The following SMG6 variants were observed in gnomAD, a reference collection of about 807,000 sequenced individuals.
The protein encoded by SMG6 is SMG6 nonsense mediated mRNA decay factor.
In SMG6, 66 loss-of-function variants were observed where a neutral mutation model predicts 142.2. The ratio of observed to expected loss-of-function variants is 0.46; its 90% CI spans 0.38 to 0.57. The LOEUF (loss-of-function observed/expected upper bound fraction) is 0.57. Among genes scored for constraint, SMG6 ranks in the 20% least tolerant of loss-of-function variants. SMG6 has a pLI of 0.00. For synonymous variants in SMG6, 779 were observed against 702.4 expected, an observed-to-expected ratio of 1.11 and a Z score of -1.72; for missense variants, 1,793 against 1,832.0, an observed-to-expected ratio of 0.98 and a Z score of 0.39.
chr17:2,132,595 G>C (rs1597443803), intron 13 of SMG6, among the ~76,000 whole-genome samples: 2 of 152,142 alleles, frequency 1.3e-5, no homozygotes, highest in Admixed American at 1.3e-4. Context: ...TAGAAACTTT[G>C]AGCCTCTGGA....
chr17:2,095,333 G>A (rs1192662107), intron 13 of SMG6, among the ~76,000 whole-genome samples: 2 of 152,202 alleles, frequency 1.3e-5, no homozygotes, highest in African/African-American at 4.8e-5. Context: ...AGACAGCCAC[G>A]TCCAGGAGGC....
chr17:2,103,434 CATT>C (rs1207032212), intron 13 of SMG6, among the ~76,000 whole-genome samples: 18 of 152,212 alleles, frequency 1.2e-4, no homozygotes, highest in African/African-American at 3.9e-4. Context: ...TTTATGGAAT[CATT>C]AGCACAGAGC....
rs56893397 is a variant in SMG6 at position 2,211,101 on chromosome 17, T to TAA, written c.2870-22588_2870-22587dup. Among the ~76,000 whole-genome samples the TAA allele has an allele frequency of 3.1e-3, 433 of 141,180 alleles. 1 individual carries two copies. The highest frequency in any genetic ancestry group is 4.1e-3 in the Non-Finnish European group (269 of 65,982). The allele number at this position is 141,180 out of a possible 152,430, so 92.6% of individuals were successfully genotyped here. A position where few individuals can be genotyped will look rare whatever the true frequency, so the allele number is the denominator to read the frequency against. ...ACTTCCTGGAGGAGCTGGATTTTAT[T>TAA]AAAAAAAAAAAAATAGAAAAAAGAT... On this transcript the variant is annotated intron_variant, in intron 10 of 18. Transcript: ENST00000263073.
At chr17:2,134,227 G>A (rs1216101277) in intron 13 of SMG6, among the ~76,000 whole-genome samples, 1 of 151,916 alleles carries the variant, frequency 6.6e-6, no homozygotes, top group South Asian at 2.1e-4. Context: ...AGACCAGCCT[G>A]TCCAATACGG....
At chr17:2,141,159 C>A (rs1296735272) in intron 13 of SMG6, among the ~76,000 whole-genome samples, 1 of 152,178 alleles carries the variant, frequency 6.6e-6, no homozygotes, top group Non-Finnish European at 1.5e-5. Context: ...TCACATGTGG[C>A]CAGTGGCTAC....
rs150759893 is a variant in SMG6 at position 2,300,049 on chromosome 17, C to T, written c.704G>A (p.Arg235His). 62 of 1,614,080 alleles carry T rather than the reference C, an allele frequency of 3.8e-5. No individual in the cohort carries two copies. The highest frequency in any genetic ancestry group is 4.9e-5 in the Non-Finnish European group (58 of 1,180,028). The change falls in exon 2 of 19, where the codon CGC (arginine) becomes CAC (histidine). Residue 235 changes from arginine to histidine, a missense_variant. This residue lies in a region of SMG6 where 1,597 missense variants were observed against 1,584.6 expected (regional missense o/e 1.01). Transcript: ENST00000263073. Reference protein sequence around the residue: ...GVRETHDDPARGRPGSAKRYS... With the variant: ...GVRETHDDPAHGRPGSAKRYS... ...GCGCTTTGCGGAGCCCGGCCTCCCG[C>T]GGGCTGGGTCGTCGTGGGTTTCCCT...
chr17:2,261,097 G>C (rs1021863361), intron 8 of SMG6, among the ~76,000 whole-genome samples: 1 of 151,912 alleles, frequency 6.6e-6, no homozygotes, highest in Non-Finnish European at 1.5e-5. Flanking sequence ...ACGAGGTCAG[G>C]AGATCGAGAC....
At chr17:2,292,516 GC>G in intron 6 of SMG6, 35 bp downstream of exon 6, 1 of 1,596,938 alleles carries the variant, frequency 6.3e-7, no homozygotes, top group African/African-American at 1.3e-5. Flanking sequence ...GATACTTCCT[GC>G]AAAGCACTTT....
intron 13 of SMG6, chr17:2,087,291 C>T: frequency 6.3e-6 from 8 of 1,266,652 alleles, no homozygotes; most frequent in Non-Finnish European, 8.2e-6. Flanking sequence ...AGGCATGACC[C>T]ATGTTCTCTA....
In SMG6 at chr17:2,299,470, G is replaced by C. The variant is rs201558389; in HGVS notation, c.1283C>G (p.Ala428Gly). ...AAACAAAAGCCGAGGTCCCAAAGGC[G>C]CGGACTCTGGAGAACCTGCTGAATT... ...SVNSAGSPESAPLGPRLLFGS... is the reference protein window; with the variant it reads ...SVNSAGSPESGPLGPRLLFGS... Residue 428 changes from alanine (A) to glycine (G), a missense_variant, in exon 2 of 19, where the codon GCG becomes GGG. Ala to Gly is a moderately conservative substitution (Grantham distance 60, BLOSUM62 0). Coordinates refer to ENST00000263073, the MANE Select transcript of SMG6 (RefSeq NM_017575.5). This position sits in a 1 kb window ranked among gnomAD's most constrained non-coding sequence, Gnocchi z 4.3. 1 of 1,614,038 alleles carries C rather than the reference G, an allele frequency of 6.2e-7. No homozygotes were observed. The highest frequency in any genetic ancestry group is 8.5e-7 in the Non-Finnish European group (1 of 1,180,036).
intron 8 of SMG6, among the ~76,000 whole-genome samples, chr17:2,269,130 G>A (rs1172118136): frequency 6.7e-6 from 1 of 150,234 alleles, no homozygotes; most frequent in Admixed American, 6.7e-5. Flanking sequence ...TGCGGCAGGA[G>A]AATGGTTTGA....
At chr17:2,287,569 AG>A (rs2074934905) in intron 6 of SMG6, among the ~76,000 whole-genome samples, 1 of 152,230 alleles carries the variant, frequency 6.6e-6, no homozygotes, top group Admixed American at 6.5e-5. Flanking sequence ...AATTGGAAGC[AG>A]GGTCTTGAAG....
chr17:2,181,890 C>T (rs373251895), intron 12 of SMG6, among the ~76,000 whole-genome samples: 3 of 152,156 alleles, frequency 2.0e-5, no homozygotes, highest in South Asian at 2.1e-4. Context: ...TTTCCTCAGC[C>T]GAACAAAAGC....
intron 13 of SMG6, among the ~76,000 whole-genome samples, chr17:2,156,388 C>T (rs2071003783): frequency 1.2e-5 from 1 of 80,752 alleles, no homozygotes; most frequent in African/African-American, 5.4e-5. Context: ...AGAGACACTC[C>T]TTCTCAAAAA....
At chr17:2,198,172 C>T (rs1184675009) in intron 10 of SMG6, among the ~76,000 whole-genome samples, 1 of 152,206 alleles carries the variant, frequency 6.6e-6, no homozygotes, top group African/African-American at 2.4e-5. Flanking sequence ...AAGGAATGAA[C>T]AACCAATACG....
chr17:2,254,941 T>C (rs562355584), intron 8 of SMG6, among the ~76,000 whole-genome samples: 4 of 151,980 alleles, frequency 2.6e-5, no homozygotes, highest in African/African-American at 9.7e-5. Context: ...GAAGAAACAG[T>C]TGGTTTTGGA....
At chr17:2,229,942 T>C (rs1225364741) in intron 10 of SMG6, among the ~76,000 whole-genome samples, 1 of 151,822 alleles carries the variant, frequency 6.6e-6, no homozygotes, top group East Asian at 1.9e-4. Context: ...TCCCAGCACT[T>C]TGGGAGGCTG....
intron 12 of SMG6, among the ~76,000 whole-genome samples, chr17:2,180,814 A>G (rs1316773715): frequency 6.6e-6 from 1 of 152,226 alleles, no homozygotes; most frequent in Non-Finnish European, 1.5e-5. Context: ...CTGGAGGAAA[A>G]GCAAAGGAGA....
intron 10 of SMG6, among the ~76,000 whole-genome samples, chr17:2,216,740 T>C (rs1365596583): frequency 1.3e-5 from 2 of 152,232 alleles, no homozygotes; most frequent in African/African-American, 4.8e-5. Context: ...AAATATTATA[T>C]AGTCTCTTGT....
Sources: gnomAD v4.1 joint callset for allele counts (sites outside exome capture counted in the v4.1 genomes callset) on GRCh38, gnomAD v4.1.1 for gene constraint, gnomAD v4.1.1 regional missense constraint, Gnocchi (gnomAD v3.1) non-coding constraint, MANE v1.5 for transcripts, NCBI Gene and HGNC (gene_info 2026-07-23, HGNC 2026-07-21) for gene names.